ANKRD62: variants seen among roughly 807,000 people sequenced by gnomAD.
The protein encoded by ANKRD62 is ankyrin repeat domain-containing protein 62.
ANKRD62 carries 61 observed loss-of-function variants against 98.8 expected under a neutral mutation model. That is an observed-to-expected ratio of 0.62 (90% CI 0.50 to 0.76). The LOEUF (loss-of-function observed/expected upper bound fraction) is 0.76. ANKRD62 is among the 30% of genes least tolerant of loss of function. ANKRD62 has a pLI of 0.00. For synonymous variants in ANKRD62, 341 were observed against 367.9 expected, an observed-to-expected ratio of 0.93 and a Z score of 0.84; for missense variants, 933 against 1,082.9, an observed-to-expected ratio of 0.86 and a Z score of 1.94.
chr18:12,134,376 T>C (rs191778072), downstream of ANKRD62, among the ~76,000 whole-genome samples: 1,250 of 151,478 alleles, frequency 8.3e-3, 65 homozygotes, highest in Admixed American at 0.073. Flanking sequence ...CTGTTTTCCC[T>C]TTTTTTTTAT....
At chr18:12,109,479 T>A (rs150139014) in intron 8 of ANKRD62, among the ~76,000 whole-genome samples, 2 of 152,326 alleles carry the variant, frequency 1.3e-5, no homozygotes, top group Non-Finnish European at 2.9e-5. Flanking sequence ...CGGAATACAA[T>A]ACTGTATGAT....
At chr18:12,116,894 A>G (rs1032426500) in intron 10 of ANKRD62, among the ~76,000 whole-genome samples, 11 of 152,214 alleles carry the variant, frequency 7.2e-5, no homozygotes, top group Non-Finnish European at 1.3e-4. Flanking sequence ...TCTTTAAAAA[A>G]ATGGATGTCT....
intron 6 of ANKRD62, chr18:12,102,189 G>T (rs12963390): frequency 0.26 from 224,144 of 864,908 alleles, 29,945 homozygotes; most frequent in Middle Eastern, 0.34. Flanking sequence ...TTGCAGCAAG[G>T]AGTAGAGTCC....
At chr18:12,117,299 G>T (rs1909685017) in intron 10 of ANKRD62, among the ~76,000 whole-genome samples, 1 of 152,162 alleles carries the variant, frequency 6.6e-6, no homozygotes, top group East Asian at 1.9e-4. Context: ...TATGAGAGCA[G>T]CCCTAGACAA....
At chr18:12,146,442 TG>T in the ANKRD62 span, among the ~76,000 whole-genome samples, 2 of 151,944 alleles carry the variant, frequency 1.3e-5, no homozygotes, top group Non-Finnish European at 2.9e-5. Context: ...CAGACTTTTT[TG>T]GGGGGGCGTG....
chr18:12,152,267 G>A, the ANKRD62 span, among the ~76,000 whole-genome samples: 137 of 150,202 alleles, frequency 9.1e-4, no homozygotes, highest in African/African-American at 3.1e-3. Flanking sequence ...ACCGAAACCT[G>A]CAGAAACACA....
At chr18:12,113,657 T>C (rs1376726360) in intron 8 of ANKRD62, among the ~76,000 whole-genome samples, 1 of 152,042 alleles carries the variant, frequency 6.6e-6, no homozygotes, top group Non-Finnish European at 1.5e-5. Flanking sequence ...AACAGATGCT[T>C]GTGAGGTTGT....
intron 13 of ANKRD62, among the ~76,000 whole-genome samples, chr18:12,126,830 T>C (rs904260295): frequency 4.6e-5 from 7 of 152,228 alleles, no homozygotes; most frequent in African/African-American, 1.7e-4. Context: ...GTATTTCCTA[T>C]TTTATAATTA....
At chr18:12,106,162 A>G (rs376288429) in intron 7 of ANKRD62, among the ~76,000 whole-genome samples, 7 of 152,338 alleles carry the variant, frequency 4.6e-5, no homozygotes, top group Admixed American at 3.9e-4. Flanking sequence ...ATGTATATAG[A>G]TATCTCCACC....
chr18:12,114,950 A>G, intron 8 of ANKRD62, 138 bp from the exon 9 acceptor site: 1 of 691,728 alleles, frequency 1.4e-6, no homozygotes, highest in Non-Finnish European at 2.0e-6. Context: ...ATCACCTGTA[A>G]AAACATTACC....
the ANKRD62 span, among the ~76,000 whole-genome samples, chr18:12,157,676 T>G: frequency 6.6e-6 from 1 of 152,216 alleles, no homozygotes; most frequent in African/African-American, 2.4e-5. Flanking sequence ...GTCCTTTCCT[T>G]TCTTGCTGTT....
Position 12,095,468 on chromosome 18 carries a change from C to G in ANKRD62, c.365C>G (p.Ser122Cys), listed in dbSNP as rs1044498427. 1.5e-5 allele frequency: 23 copies of G among 1,576,142 alleles called. No individual in the cohort carries two copies. Among genetic ancestry groups the G allele is most frequent in the Non-Finnish European group, 1.9e-5 (22 of 1,166,184 alleles). Residue 122 changes from serine to cysteine, a missense_variant, in exon 3 of 14, where the codon TCC (serine) becomes TGC (cysteine). Physicochemically the swap from Ser to Cys is moderately radical, Grantham distance 112 (BLOSUM62 -1). Transcript: ENST00000587848. The part of the protein sequence containing the change: ...AVQCQEEVCA[S>C]ILLEHGANPN... Reference sequence around the variant, plus strand: ...CAATGTCAAGAAGAAGTTTGTGCATCCATCCTGCTGGAACATGGCGCCAAC... The same window carrying G: ...CAATGTCAAGAAGAAGTTTGTGCATGCATCCTGCTGGAACATGGCGCCAAC...
chr18:12,107,947 G>A (rs369828858), intron 8 of ANKRD62, among the ~76,000 whole-genome samples: 1 of 152,028 alleles, frequency 6.6e-6, no homozygotes. Context: ...ACATATATAT[G>A]CATGTGTAGT....
At chr18:12,137,146 C>T in the ANKRD62 span, among the ~76,000 whole-genome samples, 1 of 152,110 alleles carries the variant, frequency 6.6e-6, no homozygotes, top group Non-Finnish European at 1.5e-5. Context: ...GGGAATGCTT[C>T]CAGTTTTTGC....
At chr18:12,136,942 T>C in the ANKRD62 span, among the ~76,000 whole-genome samples, 1 of 152,190 alleles carries the variant, frequency 6.6e-6, no homozygotes, top group Non-Finnish European at 1.5e-5. Flanking sequence ...CTTAAGGAGA[T>C]TTTGGGCTGA....
intron 8 of ANKRD62, among the ~76,000 whole-genome samples, chr18:12,113,704 T>C (rs965763008): frequency 6.6e-6 from 1 of 151,594 alleles, no homozygotes; most frequent in Non-Finnish European, 1.5e-5. Context: ...TTGGTGGGAG[T>C]GTATATTATT....
chr18:12,118,588 G>C (rs780301609), intron 10 of ANKRD62, among the ~76,000 whole-genome samples: 8 of 145,978 alleles, frequency 5.5e-5, no homozygotes, highest in African/African-American at 2.0e-4. Context: ...CAGTCTCGGA[G>C]ACAGAGTAAG....
the ANKRD62 span, among the ~76,000 whole-genome samples, chr18:12,138,473 G>T: frequency 6.6e-6 from 1 of 152,168 alleles, no homozygotes; most frequent in Non-Finnish European, 1.5e-5. Context: ...CAACGATGTG[G>T]TCAATTTTGG....
the ANKRD62 span, among the ~76,000 whole-genome samples, chr18:12,153,607 A>AAAAGAAAG: frequency 2.8e-4 from 40 of 141,062 alleles, 1 homozygote; most frequent in East Asian, 6.3e-3. Flanking sequence ...AAAAAAAAAA[A>AAAAGAAAG]AAAGAAAGAA....
Sources: allele counts gnomAD v4.1 joint callset (sites outside exome capture counted in the v4.1 genomes callset), GRCh38; gene constraint gnomAD v4.1.1; transcripts MANE v1.5; gene names NCBI Gene and HGNC (gene_info 2026-07-23, HGNC 2026-07-21).